Variants in WDR72 observed in about 807,000 individuals in gnomAD.
WDR72 encodes WD repeat domain 72, also known as WD repeat-containing protein 72.
Under a neutral mutation model 124.2 loss-of-function variants are expected in WDR72, and 120 were observed. The ratio of observed to expected loss-of-function variants is 0.97; its 90% CI spans 0.83 to 1.12. WDR72 has a LOEUF of 1.12. Among genes scored for constraint, WDR72 ranks in the 50% most tolerant of loss-of-function variants. The probability of loss-of-function intolerance (pLI) is 0.00; values close to 1 mark genes in which losing one functional copy is unlikely to be tolerated. For synonymous variants in WDR72, 452 were observed against 441.7 expected (o/e 1.02, Z -0.29); for missense variants, 1,387 against 1,278.8 (o/e 1.08, Z -1.29).
At chr15:53,744,386 C>G (rs528880350) in intron 1 of WDR72, among the ~76,000 whole-genome samples, 1 of 152,166 alleles carries the variant, frequency 6.6e-6, no homozygotes. Context: ...ACTATATCCA[C>G]GTCTAAGAAA....
At chr15:53,731,891 G>A (rs2018213026) in intron 2 of WDR72, among the ~76,000 whole-genome samples, 1 of 152,140 alleles carries the variant, frequency 6.6e-6, no homozygotes, top group African/African-American at 2.4e-5. Flanking sequence ...TTATAAATAT[G>A]AAGATGCTAG....
chr15:53,606,396 T>G (rs1446206820), intron 17 of WDR72, among the ~76,000 whole-genome samples: 3 of 152,154 alleles, frequency 2.0e-5, no homozygotes, highest in African/African-American at 7.2e-5. Context: ...AGAGGTTGCC[T>G]GCATAGCTAC....
At chr15:53,526,232 G>A (rs471240) in intron 18 of WDR72, among the ~76,000 whole-genome samples, 79,006 of 151,766 alleles carry the variant, frequency 0.52, 21,091 homozygotes, top group Non-Finnish European at 0.58. Context: ...TAGGAACACC[G>A]GAGAAGACAT....
In WDR72 at chr15:53,537,206, G is replaced by T. The variant is rs556107752; in HGVS notation, c.3149-13884C>A. 5.9e-5 allele frequency among the ~76,000 whole-genome samples: 9 copies of T among 152,228 alleles called. No individual in the cohort carries two copies. The South Asian group carries it at 1.9e-3, about 32-fold the overall frequency. On this transcript the variant is annotated intron_variant, in intron 18 of 19. Transcript: ENST00000360509. ...TCCTTAAAGCCCATGATTGTGTCTG[G>T]ATATTTGGCAAGGATTGTATTTGGT...
chr15:53,638,577 ATTCTTTTTTT>A (rs904247303), intron 14 of WDR72, among the ~76,000 whole-genome samples: 7 of 129,452 alleles, frequency 5.4e-5, no homozygotes, highest in East Asian at 2.1e-4. Flanking sequence ...TCCTAATCAC[ATTCTTTTTTT>A]TTTTTTTTTT....
At chr15:53,582,633 T>C (rs1017598293) in intron 18 of WDR72, among the ~76,000 whole-genome samples, 2 of 152,030 alleles carry the variant, frequency 1.3e-5, no homozygotes, top group Non-Finnish European at 2.9e-5. Flanking sequence ...ATTTAATAGA[T>C]GATTTAATGG....
At chr15:53,580,065 C>T (rs544716367) in intron 18 of WDR72, among the ~76,000 whole-genome samples, 1 of 152,082 alleles carries the variant, frequency 6.6e-6, no homozygotes, top group South Asian at 2.1e-4. Context: ...CAGAAATTAC[C>T]CAAGATAGCT....
Position 53,705,245 on chromosome 15 carries a change from A to G in WDR72, c.1103-12T>C, listed in dbSNP as rs994936487. ...AGTTACTGGTATCTCTAAAAAGAAA[A>G]CAGACATAAAAAGAAAATTTGGTTT... On this transcript the variant is annotated splice_polypyrimidine_tract_variant and intron_variant, in intron 10 of 19. Coordinates refer to ENST00000360509, the MANE Select transcript of WDR72 (RefSeq NM_182758.4). 6.2e-7 allele frequency: 1 copy of G among 1,611,256 alleles called. No homozygotes were observed. Among genetic ancestry groups the G allele is most frequent in the Admixed American group, 1.7e-5 (1 of 60,018 alleles).
At chr15:53,541,054 C>G (rs1893092577) in intron 18 of WDR72, 1 of 159,176 alleles carries the variant, frequency 6.3e-6, no homozygotes, top group African/African-American at 2.4e-5. Flanking sequence ...AAGGCGGCAG[C>G]CAGGCTGGGG....
At chr15:53,591,062 G>C (rs914721055) in intron 18 of WDR72, among the ~76,000 whole-genome samples, 1 of 151,950 alleles carries the variant, frequency 6.6e-6, no homozygotes, top group Admixed American at 6.6e-5. Flanking sequence ...TTAGTAAACA[G>C]CTACCTTTCC....
intron 1 of WDR72, among the ~76,000 whole-genome samples, chr15:53,735,564 C>A (rs931919215): frequency 1.4e-4 from 21 of 152,112 alleles, no homozygotes; most frequent in African/African-American, 5.1e-4. Flanking sequence ...TTTATGTATA[C>A]ACACAAATAT....
At chr15:53,567,734 G>A (rs562985113) in intron 18 of WDR72, among the ~76,000 whole-genome samples, 1 of 151,816 alleles carries the variant, frequency 6.6e-6, no homozygotes, top group Non-Finnish European at 1.5e-5. Context: ...CAAAAGCCTT[G>A]AAAATTATAT....
chr15:53,622,554 T>C (rs2014038678), intron 14 of WDR72, among the ~76,000 whole-genome samples: 2 of 151,936 alleles, frequency 1.3e-5, no homozygotes, highest in African/African-American at 4.8e-5. Context: ...TGTCCTAATT[T>C]ATAAGTGGGA....
intron 14 of WDR72, among the ~76,000 whole-genome samples, chr15:53,647,537 T>A (rs1160201776): frequency 6.6e-6 from 1 of 152,052 alleles, no homozygotes; most frequent in Non-Finnish European, 1.5e-5. Context: ...ATCTGTGCAA[T>A]CATTAGTATT....
intron 13 of WDR72, among the ~76,000 whole-genome samples, chr15:53,691,159 C>G (rs2016826304): frequency 6.6e-6 from 1 of 152,136 alleles, no homozygotes. Flanking sequence ...AAGTGATCCT[C>G]CCATCTCGGC....
chr15:53,583,894 T>A (rs1297679131), intron 18 of WDR72, among the ~76,000 whole-genome samples: 6 of 152,096 alleles, frequency 3.9e-5, no homozygotes, highest in Non-Finnish European at 8.8e-5. Flanking sequence ...AATATTAATA[T>A]AAACACAAGG....
At chr15:53,565,624 T>C (rs1432894952) in intron 18 of WDR72, among the ~76,000 whole-genome samples, 4 of 152,006 alleles carry the variant, frequency 2.6e-5, no homozygotes, top group African/African-American at 7.2e-5. Context: ...CATGGTACTC[T>C]ACTATGCACA....
chr15:53,569,879 T>C (rs1014426214), intron 18 of WDR72, among the ~76,000 whole-genome samples: 8 of 151,924 alleles, frequency 5.3e-5, no homozygotes, highest in Non-Finnish European at 1.0e-4. Flanking sequence ...CAATGAACTA[T>C]GAAAACAATG....
chr15:53,627,191 C>G (rs2014245265), intron 14 of WDR72, among the ~76,000 whole-genome samples: 1 of 152,044 alleles, frequency 6.6e-6, no homozygotes, highest in African/African-American at 2.4e-5. Flanking sequence ...TTAGATTCTT[C>G]AAAGAATGAA....
Sources: allele counts gnomAD v4.1 joint callset (sites outside exome capture counted in the v4.1 genomes callset), GRCh38; gene constraint gnomAD v4.1.1; transcripts MANE v1.5; gene names NCBI Gene and HGNC (gene_info 2026-07-23, HGNC 2026-07-21).